The following ZC3H6 variants were observed in gnomAD, a reference collection of about 807,000 sequenced individuals.
ZC3H6 encodes zinc finger CCCH-type containing 6, also known as zinc finger CCCH domain-containing protein 6.
Under a neutral mutation model 107.7 loss-of-function variants are expected in ZC3H6, and 40 were observed. That is an observed-to-expected ratio of 0.37 (90% CI 0.29 to 0.48). The LOEUF is 0.48. ZC3H6 is among the 20% of genes least tolerant of loss of function. The pLI, the probability that ZC3H6 is intolerant of heterozygous loss-of-function variation, is 0.98. For missense variants in ZC3H6, 1,267 were observed against 1,410.4 expected, an observed-to-expected ratio of 0.90 and a Z score of 1.63; for synonymous variants, 493 against 487.9, an observed-to-expected ratio of 1.01 and a Z score of -0.14.
At chr2:112,324,812 T>C (rs1676877000) in intron 10 of ZC3H6, 149 bp downstream of exon 10, 1 of 1,150,426 alleles carries the variant, frequency 8.7e-7, no homozygotes, top group Non-Finnish European at 1.2e-6. Flanking sequence ...TGCCAAACTT[T>C]TGAAACAATA....
chr2:112,284,833 TTTTAA>T (rs1313989370), intron 1 of ZC3H6, among the ~76,000 whole-genome samples: 4 of 152,204 alleles, frequency 2.6e-5, no homozygotes, highest in African/African-American at 7.2e-5. Flanking sequence ...AACATTCTGC[TTTTAA>T]TTTATCTCCA....
rs537551578 is a variant in ZC3H6, at chr2:112,338,561, T to C, written c.*6073T>C. Reference sequence around the variant, plus strand: ...CTTCTTGTTTTTTAAGCTTAGAGTTTATAAGAAAAAAGTGAATATATAGCT... The same window carrying C: ...CTTCTTGTTTTTTAAGCTTAGAGTTCATAAGAAAAAAGTGAATATATAGCT... On this transcript the variant is annotated 3_prime_UTR_variant, in exon 12 of 12. Coordinates refer to ENST00000409871, the MANE Select transcript of ZC3H6 (RefSeq NM_198581.3). The C allele has an allele frequency of 2.6e-5, 4 of 152,108 alleles. No homozygotes were observed. Among genetic ancestry groups the C allele is most frequent in the Admixed American group, 6.5e-5 (1 of 15,272 alleles). The allele number at this position is 152,108 out of a possible 1,614,324, so 9.4% of individuals were successfully genotyped here.
At chr2:112,288,410 G>A (rs1321960304) in intron 1 of ZC3H6, among the ~76,000 whole-genome samples, 7 of 152,182 alleles carry the variant, frequency 4.6e-5, no homozygotes, top group African/African-American at 1.2e-4. Context: ...GGAAGCTTTC[G>A]TTGAGGGCTA....
chr2:112,321,677 T>G (rs989905722), intron 7 of ZC3H6, 79 bp from the exon 8 acceptor site: 3 of 679,904 alleles, frequency 4.4e-6, no homozygotes, highest in Non-Finnish European at 7.3e-6. Context: ...AACTATCTTG[T>G]CTAACAGTTG....
chr2:112,297,801 T>A (rs1676271488), intron 1 of ZC3H6, among the ~76,000 whole-genome samples: 1 of 152,326 alleles, frequency 6.6e-6, no homozygotes, highest in Admixed American at 6.5e-5. Context: ...GTTTGTTTAC[T>A]TAGTGTTTGT....
At position 112,339,915 on chromosome 2, in the gene ZC3H6, C is replaced by T. The variant is rs1254594648; in HGVS notation, c.*7427C>T. 2 of 152,128 alleles carry T rather than the reference C, an allele frequency of 1.3e-5. No individual in the cohort carries two copies. Among genetic ancestry groups the T allele is most frequent in the Non-Finnish European group, 2.9e-5 (2 of 68,020 alleles). 9.4% of individuals were successfully genotyped at this position (152,128 alleles called of 1,614,324 possible). ...TAAATTATTCTATTAAGGACTAACC[C>T]AGTACTTGGCAAAATTAGGAATAAC... On this transcript the variant is annotated 3_prime_UTR_variant, in exon 12 of 12. Transcript: ENST00000409871.
rs1344413462 is a variant in ZC3H6 at position 112,310,157 on chromosome 2, G to A, written c.609G>A (p.Gln203=). ...AAAAACAGAGAATGAAAGGAGTTCA[G>A]CAAGGTAAGTTTGAAATTACAGTCT... is the stretch of plus-strand genomic sequence containing the variant. ...SGKKQRMKGV[Q]QGIEQRVKSF... is the part of the protein sequence containing the mutation. Residue 203 remains glutamine (Q), a synonymous_variant, in exon 4 of 12, where the codon CAG becomes CAA. Transcript: ENST00000409871. The A allele has an allele frequency of 6.2e-7, 1 of 1,611,232 alleles. No individual in the cohort carries two copies. The highest frequency in any genetic ancestry group is 8.5e-7 in the Non-Finnish European group (1 of 1,178,610).
chr2:112,276,112 G>T, intron 1 of ZC3H6, 86 bp downstream of exon 1: 1 of 1,257,140 alleles, frequency 8.0e-7, no homozygotes, highest in Non-Finnish European at 1.1e-6. Context: ...GGCGCCTCCT[G>T]CATGACCTAG....
At position 112,325,089 on chromosome 2, in the gene ZC3H6, C is replaced by T; in HGVS notation, c.1978C>T (p.Leu660Phe). 1 of 1,613,988 alleles carries T rather than the reference C, an allele frequency of 6.2e-7. No homozygotes were observed. Among genetic ancestry groups the T allele is most frequent in the Non-Finnish European group, 8.5e-7 (1 of 1,179,892 alleles). The change falls in exon 11 of 12, where the codon CTC becomes TTC. Residue 660 changes from leucine (L) to phenylalanine (F), a missense_variant. Transcript: ENST00000409871. ...TGHGPLPVPG[L>F]LPAVQRALFV... Reference sequence around the variant, plus strand: ...CCATGGCCCTCTGCCTGTACCAGGCCTCCTCCCTGCAGTGCAAAGAGCTCT... The same window carrying T: ...CCATGGCCCTCTGCCTGTACCAGGCTTCCTCCCTGCAGTGCAAAGAGCTCT...
Position 112,332,153 on chromosome 2 carries a change from G to A in ZC3H6, c.3235G>A (p.Gly1079Ser). 1 of 1,613,886 alleles carries A rather than the reference G, an allele frequency of 6.2e-7. No individual in the cohort carries two copies. The highest frequency in any genetic ancestry group is 1.1e-5 in the South Asian group (1 of 91,070). ...ENSKNQKKSG[G>S]LKSSDKTEPS... Reference sequence around the variant, plus strand: ...CTCAAAGAACCAGAAAAAAAGTGGTGGCTTAAAAAGTAGTGACAAAACTGA... The same window carrying A: ...CTCAAAGAACCAGAAAAAAAGTGGTAGCTTAAAAAGTAGTGACAAAACTGA... Residue 1079 changes from glycine (G) to serine (S), a missense_variant, in exon 12 of 12, where the codon GGC (glycine) becomes AGC (serine). By Grantham distance (56) the Gly-to-Ser change is moderately conservative (BLOSUM62 0). Around this residue, in one of 3 missense-constraint regions of ZC3H6, gnomAD observed 925 missense variants for 1,025.7 expected, o/e 0.90. Transcript: ENST00000409871.
Position 112,334,027 on chromosome 2 carries a change from TAAG to T in ZC3H6, c.*1543_*1545del, listed in dbSNP as rs1343303269. ...TAAGTGAACGAGAACTCTGCCTACC[TAAG>T]AAGTTCATTGTGTTCTAAGTGGAAG... On this transcript the variant is annotated 3_prime_UTR_variant, in exon 12 of 12. Transcript: ENST00000409871. 1 of 152,112 alleles carries T rather than the reference TAAG, an allele frequency of 6.6e-6. No homozygotes were observed. Among genetic ancestry groups the T allele is most frequent in the Non-Finnish European group, 1.5e-5 (1 of 67,972 alleles). The allele number at this position is 152,112 out of a possible 1,614,324, so 9.4% of individuals were successfully genotyped here.
At chr2:112,301,022 AACGATAG>A (rs948594590) in intron 2 of ZC3H6, among the ~76,000 whole-genome samples, 6 of 152,278 alleles carry the variant, frequency 3.9e-5, no homozygotes, top group African/African-American at 1.4e-4. Flanking sequence ...ACTGGAGCCA[AACGATAG>A]ACAGCAACAA....
At chr2:112,328,299 A>G (rs577155956) in intron 11 of ZC3H6, among the ~76,000 whole-genome samples, 7 of 152,124 alleles carry the variant, frequency 4.6e-5, no homozygotes, top group African/African-American at 1.7e-4. Flanking sequence ...TTTGCTCAGG[A>G]TAGGTTTGGC....
chr2:112,307,594 A>G (rs1676499912), intron 3 of ZC3H6, among the ~76,000 whole-genome samples: 3 of 152,192 alleles, frequency 2.0e-5, no homozygotes. Flanking sequence ...CATAAGGAAT[A>G]TATGAACCAC....
intron 11 of ZC3H6, among the ~76,000 whole-genome samples, chr2:112,330,645 C>T (rs1367960795): frequency 6.6e-6 from 1 of 152,174 alleles, no homozygotes; most frequent in Non-Finnish European, 1.5e-5. Flanking sequence ...ACATACAACA[C>T]ACATATCTGA....
chr2:112,332,557 T>G lies in ZC3H6; in HGVS notation c.*69T>G. On this transcript the variant is annotated 3_prime_UTR_variant, in exon 12 of 12. Transcript: ENST00000409871. ...CAGTCCTCTGCTGTTTTGTAACTGG[T>G]TTACCTCTATAGTTTATTTATTTTT... 7.0e-7 allele frequency: 1 copy of G among 1,437,528 alleles called. No homozygotes were observed. Among genetic ancestry groups the G allele is most frequent in the Non-Finnish European group, 9.4e-7 (1 of 1,065,210 alleles). The allele number at this position is 1,437,528 out of a possible 1,614,324, so 89.0% of individuals were successfully genotyped here.
At position 112,328,204 on chromosome 2, in the gene ZC3H6, T is replaced by A. The variant is rs139443591; in HGVS notation, c.2087-2801T>A. 8.3e-3 allele frequency among the ~76,000 whole-genome samples: 1,269 copies of A among 152,312 alleles called. 10 individuals carry two copies. Among genetic ancestry groups the A allele is most frequent in the South Asian group, 0.032 (156 of 4,828 alleles). ...ACTGTGCCCAGCTTATGTGTCTGTTTTTATGGAGGTACCATGCTGTTTTGA... is the reference window on the plus strand; with the variant it reads ...ACTGTGCCCAGCTTATGTGTCTGTTATTATGGAGGTACCATGCTGTTTTGA... On this transcript the variant is annotated intron_variant, in intron 11 of 11. Coordinates refer to ENST00000409871, the MANE Select transcript of ZC3H6 (RefSeq NM_198581.3).
chr2:112,292,599 C>T (rs1348627428), intron 1 of ZC3H6, among the ~76,000 whole-genome samples: 1 of 152,168 alleles, frequency 6.6e-6, no homozygotes, highest in Non-Finnish European at 1.5e-5. Flanking sequence ...GCCAAATTGT[C>T]TTTTCTTTCA....
chr2:112,331,541 A>G lies in ZC3H6; in HGVS notation c.2623A>G (p.Lys875Glu), dbSNP rs1213031917. The G allele has an allele frequency of 1.9e-6, 3 of 1,613,882 alleles. No homozygotes were observed. The highest frequency in any genetic ancestry group is 2.5e-6 in the Non-Finnish European group (3 of 1,179,884). ...TACTCTAACCAAACCCAACTTTGCA[A>G]AACACATCGTGTGGGCTCCCGAAGA... ...DITLTKPNFAKHIVWAPEDLL... is the reference protein window; with the variant it reads ...DITLTKPNFAEHIVWAPEDLL... The change falls in exon 12 of 12, where the codon AAA becomes GAA. Residue 875 changes from lysine to glutamate, a missense_variant. Physicochemically the swap from Lys to Glu is moderately conservative, Grantham distance 56. Around this residue, in one of 3 missense-constraint regions of ZC3H6, gnomAD observed 925 missense variants for 1,025.7 expected, o/e 0.90. Transcript: ENST00000409871.
Sources: gnomAD v4.1 joint callset for allele counts (sites outside exome capture counted in the v4.1 genomes callset) on GRCh38, gnomAD v4.1.1 for gene constraint, gnomAD v4.1.1 regional missense constraint, MANE v1.5 for transcripts, NCBI Gene and HGNC (gene_info 2026-07-23, HGNC 2026-07-21) for gene names.